Variants in HOXB8 observed in about 807,000 individuals in gnomAD.
HOXB8 encodes the protein homeobox protein Hox-B8.
HOXB8 carries 17 observed loss-of-function variants against 22.2 expected under a neutral mutation model. The ratio of observed to expected loss-of-function variants is 0.77; its 90% CI spans 0.53 to 1.15. The LOEUF (loss-of-function observed/expected upper bound fraction) is 1.15, where lower values mean the gene tolerates loss of function less well. Among genes scored for constraint, HOXB8 ranks in the 50% most tolerant of loss-of-function variants. The pLI is 0.00. For synonymous variants in HOXB8, 156 were observed against 144.6 expected, an observed-to-expected ratio of 1.08 and a Z score of -0.57; for missense variants, 287 against 323.8, an observed-to-expected ratio of 0.89 and a Z score of 0.87.
Position 48,612,353 on chromosome 17 carries a change from C to T in HOXB8, c.*849G>A, listed in dbSNP as rs2144999108. On this transcript the variant is annotated 3_prime_UTR_variant, in exon 2 of 2. Transcript: ENST00000239144. ...GCGCTGGCCGGGCCAGTCTCGGGTT[C>T]TCGCTTGTAAACTTTATTGTAACTC... The T allele has an allele frequency of 6.5e-6, 1 of 152,730 alleles. No homozygotes were observed. The highest frequency in any genetic ancestry group is 6.5e-5 in the Admixed American group (1 of 15,302). 9.5% of individuals were successfully genotyped at this position (152,730 alleles called of 1,614,324 possible).
In HOXB8 at chr17:48,614,241, C is replaced by T; in HGVS notation, c.424+40G>A. The stretch of plus-strand genomic sequence containing the variant: ...CGGCCTGCCAGGCCTTGGGCCCTTC[C>T]GGCCCCCTCCTGCCCTTGTCGGCCC... On this transcript the variant is annotated intron_variant, in intron 1 of 1. Coordinates refer to ENST00000239144, the MANE Select transcript of HOXB8 (RefSeq NM_024016.4). The surrounding 1 kb of genome is among the most constrained non-coding windows in gnomAD (Gnocchi z 4.1). The T allele has an allele frequency of 6.9e-7, 1 of 1,443,992 alleles. No individual in the cohort carries two copies. The highest frequency in any genetic ancestry group is 1.4e-5 in the South Asian group (1 of 69,140). 89.4% of individuals were successfully genotyped at this position (1,443,992 alleles called of 1,614,324 possible). A position where few individuals can be genotyped will look rare whatever the true frequency, so the allele number is the denominator to read the frequency against.
chr17:48,614,498 G>A lies in HOXB8; in HGVS notation c.207C>T (p.Tyr69=). The A allele has an allele frequency of 6.2e-7, 1 of 1,614,016 alleles. No homozygotes were observed. Among genetic ancestry groups the A allele is most frequent in the Non-Finnish European group, 8.5e-7 (1 of 1,179,952 alleles). ...ACGCCACGGCGCACGGGTTCTGCTG[G>A]TAGGGAGCCGTGGACAGCGACGACG... The part of the protein sequence containing the change: ...HGPSSLSTAP[Y]QQNPCAVACH... Residue 69 remains tyrosine, a synonymous_variant, in exon 1 of 2, where the codon TAC becomes TAT. Transcript: ENST00000239144. The surrounding 1 kb of genome is among the most constrained non-coding windows in gnomAD (Gnocchi z 4.1).
In HOXB8 at chr17:48,614,618, G is replaced by A. The variant is rs1221849128; in HGVS notation, c.87C>T (p.Ala29=). The A allele has an allele frequency of 6.2e-7, 1 of 1,609,612 alleles. No individual in the cohort carries two copies. Among genetic ancestry groups the A allele is most frequent in the African/African-American group, 1.3e-5 (1 of 74,794 alleles). The change falls in exon 1 of 2, where the codon GCC becomes GCT. Residue 29 remains alanine (A), a synonymous_variant. Transcript: ENST00000239144. The surrounding 1 kb of genome is among the most constrained non-coding windows in gnomAD (Gnocchi z 4.1). ...CGGTGGGTCGGCCGCCCAGGTCCTGGGCGAAGCCGCAGTCATAATAATTGG... is the reference window on the plus strand; with the variant it reads ...CGGTGGGTCGGCCGCCCAGGTCCTGAGCGAAGCCGCAGTCATAATAATTGG... ...LRPNYYDCGF[A]QDLGGRPTVV...
At position 48,613,142 on chromosome 17, in the gene HOXB8, G is replaced by A. The variant is rs1406075325; in HGVS notation, c.*60C>T. ...CTCTCGGGCAGGGGCGCGCGGCGGC[G>A]GCGCGGCCGGGACCCGCGGACGTGC... On this transcript the variant is annotated 3_prime_UTR_variant, in exon 2 of 2. Coordinates refer to ENST00000239144, the MANE Select transcript of HOXB8 (RefSeq NM_024016.4). 2.5e-6 allele frequency: 3 copies of A among 1,195,378 alleles called. No individual in the cohort carries two copies. Among genetic ancestry groups the A allele is most frequent in the South Asian group, 3.6e-5 (1 of 27,456 alleles). The allele number at this position is 1,195,378 out of a possible 1,614,324, so 74.0% of individuals were successfully genotyped here.
chr17:48,614,970 A>T lies in HOXB8; in HGVS notation c.-266T>A, dbSNP rs1597891428. 4 of 327,944 alleles carry T rather than the reference A, an allele frequency of 1.2e-5. No individual in the cohort carries two copies. In the East Asian group the frequency reaches 2.0e-4, roughly 16 times the overall value. 20.3% of individuals were successfully genotyped at this position (327,944 alleles called of 1,614,324 possible). A position where few individuals can be genotyped will look rare whatever the true frequency, so the allele number is the denominator to read the frequency against. The stretch of plus-strand genomic sequence containing the variant: ...GAAGCCTCCAAAAGTCTAAGCTTGC[A>T]TGGCAGCCGCGGCTCGCTCGCCCTC... On this transcript the variant is annotated 5_prime_UTR_variant, in exon 1 of 2. The change abolishes an upstream ATG in the 5' untranslated region. Transcript: ENST00000239144. The surrounding 1 kb of genome is among the most constrained non-coding windows in gnomAD (Gnocchi z 4.1).
In HOXB8 at chr17:48,614,699, G is replaced by A; in HGVS notation, c.6C>T (p.Ser2=). 2 of 1,465,086 alleles carry A rather than the reference G, an allele frequency of 1.4e-6. No individual in the cohort carries two copies. Among genetic ancestry groups the A allele is most frequent in the Non-Finnish European group, 1.8e-6 (2 of 1,091,444 alleles). The allele number at this position is 1,465,086 out of a possible 1,614,324, so 90.8% of individuals were successfully genotyped here. M[S]SYFVNSLFSK... ...AGAACAGTGAGTTGACGAAATAAGA[G>A]CTCATTTTATTGAATTTTGAGGCGG... The change falls in exon 1 of 2, where the codon AGC becomes AGT. Residue 2 remains serine (S), a synonymous_variant. Coordinates refer to ENST00000239144, the MANE Select transcript of HOXB8 (RefSeq NM_024016.4). The surrounding 1 kb of genome is among the most constrained non-coding windows in gnomAD (Gnocchi z 4.1).
rs965588463 is a variant in HOXB8 at position 48,615,048 on chromosome 17, C to T, written c.-344G>A. On this transcript the variant is annotated 5_prime_UTR_variant, in exon 1 of 2. Transcript: ENST00000239144. ...ATATACCACCACTTAAAGAGGTCCT[C>T]GCTTTACATTTCGAAGAAGGGATGC... The T allele has an allele frequency of 1.5e-5, 3 of 200,976 alleles. No homozygotes were observed. The highest frequency in any genetic ancestry group is 2.8e-5 in the Non-Finnish European group (3 of 105,986). 12.4% of individuals were successfully genotyped at this position (200,976 alleles called of 1,614,324 possible).
Position 48,614,728 on chromosome 17 carries a change from C to A in HOXB8, c.-24G>T. 1.3e-6 allele frequency: 1 copy of A among 764,948 alleles called. No homozygotes were observed. 47.4% of individuals were successfully genotyped at this position (764,948 alleles called of 1,614,324 possible). On this transcript the variant is annotated 5_prime_UTR_variant, in exon 1 of 2. Transcript: ENST00000239144. The surrounding 1 kb of genome is among the most constrained non-coding windows in gnomAD (Gnocchi z 4.1). ...ATTTTATTGAATTTTGAGGCGGCGG[C>A]GGCGGCGGAGGCTATAGTTGGGGGC...
rs2070682884 is a variant in HOXB8, at chr17:48,613,484, T to C, written c.450A>G (p.Arg150=). The change falls in exon 2 of 2, where the codon CGA becomes CGG. Residue 150 remains arginine (R), a synonymous_variant. Coordinates refer to ENST00000239144, the MANE Select transcript of HOXB8 (RefSeq NM_024016.4). The stretch of plus-strand genomic sequence containing the variant: ...GGGTCTGGTAGCGGCTGTAGGTCTG[T>C]CGGCCTCGCCTGCGTCCGGCGGCTG... ...PQAAAGRRRG[R]QTYSRYQTLE... is the part of the protein sequence containing the mutation. 7.4e-7 allele frequency: 1 copy of C among 1,350,656 alleles called. No individual in the cohort carries two copies. Among genetic ancestry groups the C allele is most frequent in the East Asian group, 4.6e-5 (1 of 21,704 alleles). 83.7% of individuals were successfully genotyped at this position (1,350,656 alleles called of 1,614,324 possible).
Position 48,614,724 on chromosome 17 carries a change from G to T in HOXB8, c.-20C>A. Reference sequence around the variant, plus strand: ...GCTCATTTTATTGAATTTTGAGGCGGCGGCGGCGGCGGAGGCTATAGTTGG... The same window carrying T: ...GCTCATTTTATTGAATTTTGAGGCGTCGGCGGCGGCGGAGGCTATAGTTGG... On this transcript the variant is annotated 5_prime_UTR_variant, in exon 1 of 2. Transcript: ENST00000239144. This position sits in a 1 kb window ranked among gnomAD's most constrained non-coding sequence, Gnocchi z 4.1. The T allele has an allele frequency of 1.3e-6, 2 of 1,498,556 alleles. No individual in the cohort carries two copies. Among genetic ancestry groups the T allele is most frequent in the Non-Finnish European group, 8.9e-7 (1 of 1,120,218 alleles). 92.8% of individuals were successfully genotyped at this position (1,498,556 alleles called of 1,614,324 possible).
Position 48,614,350 on chromosome 17 carries a change from C to T in HOXB8, c.355G>A (p.Gly119Ser), listed in dbSNP as rs199840850. ...TGCTCGGAGCCCTCGGCCTCCTCGC[C>T]CAGGCCGCTGGCGGCGGCAAGCTTG... is the stretch of plus-strand genomic sequence containing the variant. ...DCKLAAASGL[G>S]EEAEGSEQSP... The change falls in exon 1 of 2, where the codon GGC (glycine) becomes AGC (serine). Residue 119 changes from glycine to serine, a missense_variant. Coordinates refer to ENST00000239144, the MANE Select transcript of HOXB8 (RefSeq NM_024016.4). The surrounding 1 kb of genome is among the most constrained non-coding windows in gnomAD (Gnocchi z 4.1). 24 of 1,603,044 alleles carry T rather than the reference C, an allele frequency of 1.5e-5. No homozygotes were observed. The highest frequency in any genetic ancestry group is 2.0e-5 in the Non-Finnish European group (23 of 1,177,684).
At position 48,614,540 on chromosome 17, in the gene HOXB8, C is replaced by T; in HGVS notation, c.165G>A (p.Gln55=). ...GCGACGACGGCCCGTGGTAGAACTC[C>T]TGGATTTGCGACGGGTGCTGGAAGC... ...GGSFQHPSQI[Q]EFYHGPSSLS... The change falls in exon 1 of 2, where the codon CAG becomes CAA. Residue 55 remains glutamine (Q), a synonymous_variant. Coordinates refer to ENST00000239144, the MANE Select transcript of HOXB8 (RefSeq NM_024016.4). This position sits in a 1 kb window ranked among gnomAD's most constrained non-coding sequence, Gnocchi z 4.1. 1 of 1,613,622 alleles carries T rather than the reference C, an allele frequency of 6.2e-7. No homozygotes were observed. The highest frequency in any genetic ancestry group is 8.5e-7 in the Non-Finnish European group (1 of 1,179,826).
intron 1 of HOXB8, 147 bp from the exon 2 acceptor site, chr17:48,613,656 G>GC (rs1259693694): frequency 1.7e-5 from 10 of 599,944 alleles, no homozygotes; most frequent in Non-Finnish European, 2.5e-5. Context: ...GGGCGGGGGG[G>GC]GCGCAAGAAG....
Position 48,614,569 on chromosome 17 carries a change from C to G in HOXB8, c.136G>C (p.Gly46Arg), listed in dbSNP as rs2070701223. Residue 46 changes from glycine (G) to arginine (R), a missense_variant, in exon 1 of 2, where the codon GGC (glycine) becomes CGC (arginine). Coordinates refer to ENST00000239144, the MANE Select transcript of HOXB8 (RefSeq NM_024016.4). This position sits in a 1 kb window ranked among gnomAD's most constrained non-coding sequence, Gnocchi z 4.1. ...PTVVYGPSSG[G>R]SFQHPSQIQE... ...ATTTGCGACGGGTGCTGGAAGCTGC[C>G]GCCGCTGCTGGGACCGTACACCACG... The G allele has an allele frequency of 6.2e-7, 1 of 1,612,090 alleles. No individual in the cohort carries two copies. The highest frequency in any genetic ancestry group is 8.5e-7 in the Non-Finnish European group (1 of 1,179,204).
Position 48,614,719 on chromosome 17 carries a change from A to AGGCGGC in HOXB8, c.-21_-16dup, listed in dbSNP as rs1178427129. The AGGCGGC allele has an allele frequency of 2.1e-6, 2 of 952,566 alleles. No homozygotes were observed. The highest frequency in any genetic ancestry group is 1.2e-4 in the East Asian group (1 of 8,254). The allele number at this position is 952,566 out of a possible 1,614,324, so 59.0% of individuals were successfully genotyped here. On this transcript the variant is annotated 5_prime_UTR_variant, in exon 1 of 2. Coordinates refer to ENST00000239144, the MANE Select transcript of HOXB8 (RefSeq NM_024016.4). The surrounding 1 kb of genome is among the most constrained non-coding windows in gnomAD (Gnocchi z 4.1). ...TAAGAGCTCATTTTATTGAATTTTG[A>AGGCGGC]GGCGGCGGCGGCGGCGGAGGCTATA...
Position 48,615,000 on chromosome 17 carries a change from C to T in HOXB8, c.-296G>A. The stretch of plus-strand genomic sequence containing the variant: ...AGCCGCGGCTCGCTCGCCCTCCCCC[C>T]ACCCCCCACCCCCCAAACAAAAATA... On this transcript the variant is annotated 5_prime_UTR_variant, in exon 1 of 2. Coordinates refer to ENST00000239144, the MANE Select transcript of HOXB8 (RefSeq NM_024016.4). This position sits in a 1 kb window ranked among gnomAD's most constrained non-coding sequence, Gnocchi z 4.1. The T allele has an allele frequency of 4.1e-6, 1 of 243,754 alleles. No individual in the cohort carries two copies. Among genetic ancestry groups the T allele is most frequent in the Non-Finnish European group, 7.1e-6 (1 of 140,376 alleles). 15.1% of individuals were successfully genotyped at this position (243,754 alleles called of 1,614,324 possible).
rs896672206 is a variant in HOXB8 at position 48,615,126 on chromosome 17, T to A, written c.-422A>T. 3.0e-4 allele frequency among the ~76,000 whole-genome samples: 46 copies of A among 151,438 alleles called. No homozygotes were observed. Among genetic ancestry groups the A allele is most frequent in the Non-Finnish European group, 4.9e-4 (33 of 67,924 alleles). On this transcript the variant is annotated 5_prime_UTR_variant, in exon 1 of 2. The change abolishes an upstream ATG in the 5' untranslated region. Transcript: ENST00000239144. ...ACTTCCCTGCAAATGAGTTGTTTCA[T>A]ATTTTGCACTGTCTTTTCATGATCA...
At position 48,613,520 on chromosome 17, in the gene HOXB8, G is replaced by C. The variant is rs752876553; in HGVS notation, c.425-11C>G. ...TGCGTCCGGCGGCTGCTGGGAATGG[G>C]GGAAAGGGCGAGACAGAGGGGAGGG... On this transcript the variant is annotated splice_polypyrimidine_tract_variant and intron_variant, in intron 1 of 1. Coordinates refer to ENST00000239144, the MANE Select transcript of HOXB8 (RefSeq NM_024016.4). 4 of 1,423,320 alleles carry C rather than the reference G, an allele frequency of 2.8e-6. No homozygotes were observed. The East Asian group carries it at 8.8e-5, about 31-fold the overall frequency. The allele number at this position is 1,423,320 out of a possible 1,614,324, so 88.2% of individuals were successfully genotyped here.
chr17:48,614,387 C>T lies in HOXB8; in HGVS notation c.318G>A (p.Gln106=). 6.2e-7 allele frequency: 1 copy of T among 1,612,522 alleles called. No individual in the cohort carries two copies. The highest frequency in any genetic ancestry group is 8.5e-7 in the Non-Finnish European group (1 of 1,179,778). ...CGGCGGCAAGCTTGCAGTCTGCGTA[C>T]TGCACCAGGTCTGGATCCTGCGCAC... ...LFGAQDPDLV[Q]YADCKLAAAS... The change falls in exon 1 of 2, where the codon CAG becomes CAA. Residue 106 remains glutamine, a synonymous_variant. Transcript: ENST00000239144. The surrounding 1 kb of genome is among the most constrained non-coding windows in gnomAD (Gnocchi z 4.1).
Sources: allele counts gnomAD v4.1 joint callset (sites outside exome capture counted in the v4.1 genomes callset), GRCh38; gene constraint gnomAD v4.1.1; non-coding constraint Gnocchi (gnomAD v3.1); transcripts MANE v1.5; gene names NCBI Gene and HGNC (gene_info 2026-07-23, HGNC 2026-07-21).